AKT3: variants seen among roughly 807,000 people sequenced by gnomAD.
The protein encoded by AKT3 is RAC-gamma serine/threonine-protein kinase.
A neutral mutation model predicts 65.3 loss-of-function variants in AKT3; 15 were observed. The observed-to-expected ratio is 0.23, with a 90% CI of 0.15 to 0.35. The LOEUF is 0.35. AKT3 is among the 10% of genes least tolerant of loss of function. The pLI, the probability that AKT3 is intolerant of heterozygous loss-of-function variation, is 1.00. For missense variants in AKT3, 243 were observed against 576.5 expected (o/e 0.42, Z 5.92); for synonymous variants, 206 against 183.8 (o/e 1.12, Z -0.98).
At chr1:243,666,174 T>C (rs955392240) in intron 3 of AKT3, among the ~76,000 whole-genome samples, 2 of 152,148 alleles carry the variant, frequency 1.3e-5, no homozygotes, top group African/African-American at 4.8e-5. Flanking sequence ...CAGCTTATTT[T>C]TCTAATTTTA....
intron 2 of AKT3, among the ~76,000 whole-genome samples, chr1:243,823,089 G>A (rs922318132): frequency 6.6e-6 from 1 of 152,118 alleles, no homozygotes; most frequent in Non-Finnish European, 1.5e-5. Flanking sequence ...CCACGATCAA[G>A]TCAGCTTCAT....
chr1:243,779,112 T>G (rs1690746710), intron 2 of AKT3, among the ~76,000 whole-genome samples: 1 of 152,026 alleles, frequency 6.6e-6, no homozygotes, highest in South Asian at 2.1e-4. Context: ...CAGATATGAA[T>G]AGAAAAAGGG....
chr1:243,654,713 T>C (rs1681630410), intron 4 of AKT3, among the ~76,000 whole-genome samples: 1 of 152,196 alleles, frequency 6.6e-6, no homozygotes, highest in African/African-American at 2.4e-5. Flanking sequence ...ACTTTGGGGA[T>C]ATCATTTCAT....
intron 2 of AKT3, among the ~76,000 whole-genome samples, chr1:243,704,401 G>A (rs536759634): frequency 6.6e-6 from 1 of 152,296 alleles, no homozygotes; most frequent in South Asian, 2.1e-4. Flanking sequence ...CTAGTAGGCA[G>A]CTGTGAGAGG....
intron 9 of AKT3, among the ~76,000 whole-genome samples, chr1:243,569,552 C>T (rs1242158624): frequency 2.6e-5 from 4 of 152,070 alleles, no homozygotes; most frequent in Non-Finnish European, 4.4e-5. Context: ...CTGATGAGGA[C>T]GAGGAGGGCT....
At chr1:243,740,305 C>T (rs980852306) in intron 2 of AKT3, among the ~76,000 whole-genome samples, 27 of 152,190 alleles carry the variant, frequency 1.8e-4, no homozygotes, top group African/African-American at 6.5e-4. Context: ...TGTCAAGGGA[C>T]TTGTGAGAAA....
At chr1:243,550,789 C>CAAA (rs60834632) in intron 11 of AKT3, among the ~76,000 whole-genome samples, 988 of 33,636 alleles carry the variant, frequency 0.029, 108 homozygotes, top group Middle Eastern at 0.071. Context: ...ACTAAAATAC[C>CAAA]AAAAAAAAAA....
chr1:243,565,187 T>C (rs761125675), intron 9 of AKT3, among the ~76,000 whole-genome samples: 9 of 152,218 alleles, frequency 5.9e-5, no homozygotes, highest in Non-Finnish European at 1.0e-4. Context: ...AATTTTTTTC[T>C]ACAGAAAGCT....
chr1:243,559,153 T>C (rs1359940713), intron 10 of AKT3, among the ~76,000 whole-genome samples: 2 of 152,136 alleles, frequency 1.3e-5, no homozygotes, highest in Non-Finnish European at 2.9e-5. Flanking sequence ...CCCCTCAAGA[T>C]ATCATATGGT....
At chr1:243,606,752 C>A (rs904608950) in intron 8 of AKT3, among the ~76,000 whole-genome samples, 4 of 152,220 alleles carry the variant, frequency 2.6e-5, no homozygotes, top group Non-Finnish European at 5.9e-5. Context: ...TTGCAGCAGC[C>A]CCTCCCATCA....
chr1:243,488,985 CTT>C (rs1665713619), intron 13 of AKT3: 5 of 1,613,192 alleles, frequency 3.1e-6, no homozygotes, highest in East Asian at 2.2e-5. Flanking sequence ...CGTTATCCCT[CTT>C]TAATTCTGCG....
At chr1:243,499,592 A>G (rs1292604937), downstream of AKT3, 6 of 680,050 alleles carry the variant, frequency 8.8e-6, no homozygotes, top group African/African-American at 1.8e-5. Context: ...TGATGTGGAC[A>G]AGATGAGGCA....
intron 12 of AKT3, among the ~76,000 whole-genome samples, chr1:243,536,312 C>T (rs371764513): frequency 3.0e-4 from 45 of 152,178 alleles, no homozygotes; most frequent in Admixed American, 5.9e-4. Flanking sequence ...GGTCAATCTC[C>T]GGAAGAATTT....
chr1:243,822,572 G>C (rs1475744273), intron 2 of AKT3, among the ~76,000 whole-genome samples: 1 of 151,552 alleles, frequency 6.6e-6, no homozygotes, highest in Non-Finnish European at 1.5e-5. Flanking sequence ...GAATCAAATA[G>C]ATTCAATAAA....
intron 1 of AKT3, 67 bp downstream of exon 1, chr1:243,849,973 G>A (rs1005667039): frequency 2.8e-5 from 27 of 963,976 alleles, no homozygotes; most frequent in African/African-American, 3.5e-5. Flanking sequence ...GCGGACCGGG[G>A]CCCGGGGCCC....
At chr1:243,550,674 G>A (rs1276685707) in intron 11 of AKT3, among the ~76,000 whole-genome samples, 2 of 151,300 alleles carry the variant, frequency 1.3e-5, no homozygotes, top group African/African-American at 4.9e-5. Context: ...GGCTGGACAC[G>A]GTGGCTCATG....
At chr1:243,609,168 C>T (rs1046618892) in intron 8 of AKT3, among the ~76,000 whole-genome samples, 40 of 151,954 alleles carry the variant, frequency 2.6e-4, no homozygotes, top group African/African-American at 7.2e-4. Context: ...TAGATTTCCT[C>T]CCCAGTCATG....
intron 2 of AKT3, among the ~76,000 whole-genome samples, chr1:243,803,691 C>T (rs933807208): frequency 8.5e-5 from 10 of 117,932 alleles, no homozygotes; most frequent in East Asian, 2.5e-4. Context: ...CACACACACA[C>T]ATAAGACTGA....
chr1:243,621,498 TG>T (rs1422815081), intron 6 of AKT3, among the ~76,000 whole-genome samples: 1 of 152,140 alleles, frequency 6.6e-6, no homozygotes, highest in African/African-American at 2.4e-5. Flanking sequence ...TTCTCTTCAC[TG>T]GGTACACTCT....
Sources: allele counts gnomAD v4.1 joint callset (sites outside exome capture counted in the v4.1 genomes callset), GRCh38; gene constraint gnomAD v4.1.1; transcripts MANE v1.5; gene names NCBI Gene and HGNC (gene_info 2026-07-23, HGNC 2026-07-21).